The following LPA variants were observed in gnomAD, a reference collection of about 807,000 sequenced individuals.
LPA encodes apolipoprotein(a).
Under a neutral mutation model 197.9 loss-of-function variants are expected in LPA, and 199 were observed. The observed-to-expected ratio is 1.01, with a 90% CI of 0.90 to 1.13. The LOEUF (loss-of-function observed/expected upper bound fraction) is 1.13. Among genes scored for constraint, LPA ranks in the 50% most tolerant of loss-of-function variants. LPA has a pLI of 0.00. For missense variants in LPA, 1,853 were observed against 1,785.8 expected, an observed-to-expected ratio of 1.04 and a Z score of -0.68; for synonymous variants, 715 against 639.5, an observed-to-expected ratio of 1.12 and a Z score of -1.78.
chr6:160,539,814 G>A (rs1158751304), intron 36 of LPA, among the ~76,000 whole-genome samples: 1 of 143,522 alleles, frequency 7.0e-6, no homozygotes, highest in African/African-American at 2.7e-5. Context: ...CGGGTAACAG[G>A]GTATCTCTTT....
intron 30 of LPA, among the ~76,000 whole-genome samples, chr6:160,548,948 C>T (rs1469682243): frequency 6.6e-6 from 1 of 152,112 alleles, no homozygotes; most frequent in East Asian, 1.9e-4. Flanking sequence ...GGGTAAGTTA[C>T]AAAGAAAAGA....
intron 17 of LPA, 78 bp downstream of exon 17, chr6:160,606,399 C>G (rs1779351753): frequency 6.4e-7 from 1 of 1,555,074 alleles, no homozygotes; most frequent in African/African-American, 1.4e-5. Context: ...CCATTGGAGG[C>G]TGCTGCATCA....
chr6:160,585,337 A>T, intron 25 of LPA, 132 bp from the exon 26 acceptor site: 2 of 849,092 alleles, frequency 2.4e-6, no homozygotes, highest in East Asian at 4.9e-5. Flanking sequence ...GCAAATTGAA[A>T]TGTAGAATAA....
intron 24 of LPA, among the ~76,000 whole-genome samples, chr6:160,588,863 C>G (rs1778967962): frequency 6.6e-6 from 1 of 152,170 alleles, no homozygotes; most frequent in Non-Finnish European, 1.5e-5. Context: ...TTCTCTCAAG[C>G]CTACCATATC....
At chr6:160,562,701 CT>C (rs760295174) in intron 28 of LPA, among the ~76,000 whole-genome samples, 1 of 151,458 alleles carries the variant, frequency 6.6e-6, no homozygotes, top group African/African-American at 2.4e-5. Flanking sequence ...CTGGTCTGGG[CT>C]TTTTTTGGTT....
At chr6:160,565,977 G>A (rs1245067580) in intron 28 of LPA, among the ~76,000 whole-genome samples, 1 of 151,926 alleles carries the variant, frequency 6.6e-6, no homozygotes, top group Non-Finnish European at 1.5e-5. Flanking sequence ...GAAGTTTAGA[G>A]AAAAAAAGGA....
intron 6 of LPA, among the ~76,000 whole-genome samples, chr6:160,636,978 CATGG>C (rs1341137773): frequency 3.0e-3 from 177 of 58,320 alleles, no homozygotes; most frequent in Non-Finnish European, 5.5e-3. Context: ...ATTTATCCGA[CATGG>C]ATGATCTTCA....
chr6:160,600,128 C>T (rs1583610635), intron 19 of LPA, among the ~76,000 whole-genome samples: 1 of 152,152 alleles, frequency 6.6e-6, no homozygotes, highest in East Asian at 1.9e-4. Context: ...AAGCATTAAA[C>T]TCCTGGTGAT....
intron 7 of LPA, among the ~76,000 whole-genome samples, chr6:160,634,474 C>G (rs904363441): frequency 1.5e-5 from 2 of 132,300 alleles, no homozygotes; most frequent in African/African-American, 6.4e-5. Context: ...GGGAGGGAAT[C>G]TTCTCATGCC....
chr6:160,653,407 A>G (rs1180005471), intron 1 of LPA, among the ~76,000 whole-genome samples: 1 of 152,124 alleles, frequency 6.6e-6, no homozygotes, highest in Admixed American at 6.6e-5. Flanking sequence ...ACCAGCAACC[A>G]CCTTCACCTA....
Position 160,556,124 on chromosome 6 carries a change from C to T in LPA, c.4874G>A (p.Arg1625Gln), listed in dbSNP as rs776662773. The change falls in exon 30 of 39, where the codon CGA becomes CAA. Residue 1625 changes from arginine to glutamine, a missense_variant. Arg to Gln is a conservative substitution (Grantham distance 43). This residue lies in a region of LPA where 1,737 missense variants were observed against 1,504.4 expected (regional missense o/e 1.15). Transcript: ENST00000316300. ...TGTGACAGTGGTGGAGAATGTGCCTCGATAACTCTGGCCATTACCATGGTA... is the reference window on the plus strand; with the variant it reads ...TGTGACAGTGGTGGAGAATGTGCCTTGATAACTCTGGCCATTACCATGGTA... ...QCYHGNGQSY[R>Q]GTFSTTVTGR... 1.1e-4 allele frequency: 173 copies of T among 1,613,784 alleles called. No homozygotes were observed. Among genetic ancestry groups the T allele is most frequent in the Admixed American group, 5.0e-4 (30 of 59,944 alleles).
chr6:160,537,506 C>T (rs566499678), intron 37 of LPA, among the ~76,000 whole-genome samples: 99 of 152,310 alleles, frequency 6.5e-4, no homozygotes, highest in Middle Eastern at 3.4e-3. Context: ...TGGGTCAAAA[C>T]CCCACTTACC....
At chr6:160,545,954 C>T (rs1778063209) in intron 32 of LPA, among the ~76,000 whole-genome samples, 1 of 152,180 alleles carries the variant, frequency 6.6e-6, no homozygotes, top group East Asian at 1.9e-4. Context: ...TATGCACCAT[C>T]CACAGCCAAG....
In LPA at chr6:160,578,671, A is replaced by C. The variant is rs771320392; in HGVS notation, c.4323T>G (p.Asp1441Glu). Residue 1441 changes from aspartate (D) to glutamate (E), a missense_variant, in exon 27 of 39, where the codon GAT becomes GAG. This residue lies in a region of LPA where 1,737 missense variants were observed against 1,504.4 expected (regional missense o/e 1.15). Coordinates refer to ENST00000316300, the MANE Select transcript of LPA (RefSeq NM_005577.4). ...TGTAACACCAAGGGCGAATCTCAGC[A>C]TCTGGATTCCTGCAGTAGTTCCTGG... ...GLTRNYCRNP[D>E]AEIRPWCYTM... The C allele has an allele frequency of 1.9e-6, 3 of 1,613,908 alleles. No individual in the cohort carries two copies. The highest frequency in any genetic ancestry group is 8.5e-7 in the Non-Finnish European group (1 of 1,179,896).
At chr6:160,536,554 T>C (rs541433984) in intron 37 of LPA, among the ~76,000 whole-genome samples, 1 of 152,130 alleles carries the variant, frequency 6.6e-6, no homozygotes, top group East Asian at 1.9e-4. Flanking sequence ...GGAGCCAGGG[T>C]TCCAATTCAG....
chr6:160,598,730 C>A (rs1331548489), intron 20 of LPA, among the ~76,000 whole-genome samples: 1 of 152,174 alleles, frequency 6.6e-6, no homozygotes, highest in Non-Finnish European at 1.5e-5. Flanking sequence ...CTTCAGACCA[C>A]TGGTGCTCAG....
At chr6:160,553,164 C>T (rs915919338) in intron 30 of LPA, among the ~76,000 whole-genome samples, 2 of 152,116 alleles carry the variant, frequency 1.3e-5, no homozygotes, top group Non-Finnish European at 2.9e-5. Flanking sequence ...GTTGAAACAA[C>T]AATATATTCC....
At position 160,598,785 on chromosome 6, in the gene LPA, AG is replaced by A. The variant is rs534921717; in HGVS notation, c.3287+714del. Among the ~76,000 whole-genome samples, 4 of 152,318 alleles carry A rather than the reference AG, an allele frequency of 2.6e-5. No homozygotes were observed. In the South Asian group the frequency reaches 8.3e-4, roughly 32 times the overall value. On this transcript the variant is annotated intron_variant, in intron 20 of 38. Coordinates refer to ENST00000316300, the MANE Select transcript of LPA (RefSeq NM_005577.4). The stretch of plus-strand genomic sequence containing the variant: ...CATTGAAAAAGAAGTAGATAGAAAA[AG>A]ATTTGCCTCTCCATAGATGTGCAAG...
At chr6:160,563,798 A>T (rs1778402686) in intron 28 of LPA, among the ~76,000 whole-genome samples, 1 of 152,152 alleles carries the variant, frequency 6.6e-6, no homozygotes, top group Admixed American at 6.5e-5. Context: ...TGTTGCATTG[A>T]TACTTTTACC....
Sources: allele counts gnomAD v4.1 joint callset (sites outside exome capture counted in the v4.1 genomes callset), GRCh38; gene constraint gnomAD v4.1.1; regional missense constraint gnomAD v4.1.1; transcripts MANE v1.5; gene names NCBI Gene and HGNC (gene_info 2026-07-23, HGNC 2026-07-21).